The following SOX5 variants were observed in gnomAD, a reference collection of about 807,000 sequenced individuals.
SOX5 encodes transcription factor SOX-5.
In SOX5, 9 loss-of-function variants were observed where a neutral mutation model predicts 92.0. The ratio of observed to expected loss-of-function variants is 0.10; its 90% CI spans 0.06 to 0.17. SOX5 has a LOEUF of 0.17. Ranked by LOEUF, SOX5 falls within the 10% of genes least tolerant of loss-of-function variation. SOX5 has a pLI of 1.00. For missense variants in SOX5, 642 were observed against 944.5 expected (o/e 0.68, Z 4.20); for synonymous variants, 344 against 336.3 (o/e 1.02, Z -0.25).
At chr12:24,073,015 A>C (rs532781290) in intron 4 of SOX5, among the ~76,000 whole-genome samples, 5 of 152,328 alleles carry the variant, frequency 3.3e-5, no homozygotes, top group Admixed American at 1.3e-4. Context: ...CCTCAAAGAA[A>C]AGTAAAAATG....
intron 6 of SOX5, among the ~76,000 whole-genome samples, chr12:23,719,720 T>C (rs1217263752): frequency 2.8e-5 from 4 of 144,896 alleles, no homozygotes; most frequent in Non-Finnish European, 4.5e-5. Flanking sequence ...TGAGTTACGA[T>C]TGTGCCACTG....
At chr12:23,636,090 T>C (rs942053855) in intron 8 of SOX5, among the ~76,000 whole-genome samples, 1 of 152,204 alleles carries the variant, frequency 6.6e-6, no homozygotes, top group Non-Finnish European at 1.5e-5. Context: ...TTCCTCTTCA[T>C]AGTCAACAAG....
intron 1 of SOX5, among the ~76,000 whole-genome samples, chr12:23,905,305 C>T (rs2097280214): frequency 6.6e-6 from 1 of 152,126 alleles, no homozygotes; most frequent in Non-Finnish European, 1.5e-5. Flanking sequence ...TCAGGTCTTC[C>T]TTTGCTACCT....
At chr12:23,670,057 C>T (rs12422498) in intron 6 of SOX5, among the ~76,000 whole-genome samples, 2,267 of 152,028 alleles carry the variant, frequency 0.015, 56 homozygotes, top group African/African-American at 0.051. Flanking sequence ...AGGTGCCTAT[C>T]GGCAGATAAA....
At chr12:24,135,449 A>G (rs939704908) in intron 4 of SOX5, among the ~76,000 whole-genome samples, 3 of 152,176 alleles carry the variant, frequency 2.0e-5, no homozygotes, top group African/African-American at 4.8e-5. Context: ...TCGTTCCTGT[A>G]TAATCTTTAG....
At chr12:23,971,510 G>T (rs1051784221) in intron 4 of SOX5, among the ~76,000 whole-genome samples, 9 of 150,776 alleles carry the variant, frequency 6.0e-5, no homozygotes, top group Admixed American at 2.0e-4. Context: ...CTACAGTGGA[G>T]AGGTTTACTT....
chr12:24,376,620 T>G (rs1203585482), intron 1 of SOX5, among the ~76,000 whole-genome samples: 1 of 149,696 alleles, frequency 6.7e-6, no homozygotes, highest in Non-Finnish European at 1.5e-5. Flanking sequence ...CTCCTATGAG[T>G]AGGCAATGTG....
At chr12:24,478,858 A>G (rs189278133) in intron 1 of SOX5, among the ~76,000 whole-genome samples, 1 of 152,312 alleles carries the variant, frequency 6.6e-6, no homozygotes, top group African/African-American at 2.4e-5. Flanking sequence ...GCCAAATGAA[A>G]CTTTCCTGAA....
chr12:24,495,930 A>C (rs1184714870), intron 1 of SOX5, among the ~76,000 whole-genome samples: 1 of 152,204 alleles, frequency 6.6e-6, no homozygotes, highest in Admixed American at 6.5e-5. Context: ...TCTTAGTGTT[A>C]TAAATCACTC....
chr12:23,749,732 T>C (rs527277881), intron 4 of SOX5, among the ~76,000 whole-genome samples: 19 of 152,092 alleles, frequency 1.2e-4, no homozygotes, highest in South Asian at 4.1e-4. Context: ...TTTCCAAAAC[T>C]ATTCCATCTA....
At chr12:24,355,282 C>CTTTTTTTTTTTTTTTTTTTTTTTT (rs768157437) in intron 2 of SOX5, among the ~76,000 whole-genome samples, 1 of 71,932 alleles carries the variant, frequency 1.4e-5, no homozygotes, top group Non-Finnish European at 2.3e-5. Context: ...AGGGGTGCAT[C>CTTTTTTTTTTTTTTTTTTTTTTTT]TTTTTTTTTT....
intron 9 of SOX5, among the ~76,000 whole-genome samples, chr12:23,584,111 T>C (rs916240200): frequency 1.3e-5 from 2 of 152,014 alleles, no homozygotes; most frequent in African/African-American, 2.4e-5. Context: ...ACAAAAGGAA[T>C]TACTATCAAA....
chr12:24,474,195 T>A (rs1945110007), intron 1 of SOX5, among the ~76,000 whole-genome samples: 1 of 152,224 alleles, frequency 6.6e-6, no homozygotes, highest in South Asian at 2.1e-4. Flanking sequence ...TGAGATTTTA[T>A]AAATATTTTG....
intron 2 of SOX5, among the ~76,000 whole-genome samples, chr12:23,888,009 T>G (rs1177526538): frequency 1.3e-5 from 2 of 151,836 alleles, no homozygotes; most frequent in African/African-American, 4.8e-5. Flanking sequence ...AGTTAATTTA[T>G]TTTGATCACC....
chr12:23,690,677 C>T (rs528821354), intron 6 of SOX5, among the ~76,000 whole-genome samples: 1 of 152,292 alleles, frequency 6.6e-6, no homozygotes, highest in African/African-American at 2.4e-5. Context: ...GCACTGATTT[C>T]TCAACCTGTC....
chr12:24,430,457 A>C (rs1045928428), intron 1 of SOX5, among the ~76,000 whole-genome samples: 1 of 151,794 alleles, frequency 6.6e-6, no homozygotes, highest in Admixed American at 6.6e-5. Flanking sequence ...GTATATATAT[A>C]ATATATATAA....
At chr12:24,434,415 A>C (rs1365609966) in intron 1 of SOX5, among the ~76,000 whole-genome samples, 1 of 152,108 alleles carries the variant, frequency 6.6e-6, no homozygotes, top group Non-Finnish European at 1.5e-5. Context: ...GAAATGCAAA[A>C]AGCTCAGCTA....
chr12:23,744,294 A>C (rs1388525984), intron 4 of SOX5, among the ~76,000 whole-genome samples: 2 of 152,178 alleles, frequency 1.3e-5, no homozygotes, highest in African/African-American at 2.4e-5. Flanking sequence ...TGAGTTCTAA[A>C]ATACATAGTT....
intron 1 of SOX5, among the ~76,000 whole-genome samples, chr12:24,490,666 C>T (rs1178127718): frequency 1.3e-5 from 2 of 152,022 alleles, no homozygotes; most frequent in African/African-American, 2.4e-5. Flanking sequence ...GTATTTGATA[C>T]ACACACCATA....
Sources: allele counts gnomAD v4.1 joint callset (sites outside exome capture counted in the v4.1 genomes callset), GRCh38; gene constraint gnomAD v4.1.1; transcripts MANE v1.5; gene names NCBI Gene and HGNC (gene_info 2026-07-23, HGNC 2026-07-21).